TNIK: variants seen among roughly 807,000 people sequenced by gnomAD.
TNIK encodes the protein TRAF2 and NCK interacting kinase, also known as TRAF2 and NCK-interacting protein kinase.
TNIK carries 49 observed loss-of-function variants against 191.3 expected under a neutral mutation model. The ratio of observed to expected loss-of-function variants is 0.26; its 90% confidence interval spans 0.20 to 0.32. The LOEUF (loss-of-function observed/expected upper bound fraction) is 0.32, where lower values mean the gene tolerates loss of function less well. Ranked by LOEUF, TNIK falls within the 10% of genes least tolerant of loss-of-function variation. The pLI is 1.00. For synonymous variants in TNIK, 594 were observed against 600.9 expected, an observed-to-expected ratio of 0.99 and a Z score of 0.17; for missense variants, 1,155 against 1,702.3, an observed-to-expected ratio of 0.68 and a Z score of 5.66.
At chr3:171,447,204 A>C (rs898940364) in intron 1 of TNIK, among the ~76,000 whole-genome samples, 1 of 152,054 alleles carries the variant, frequency 6.6e-6, no homozygotes, top group Non-Finnish European at 1.5e-5. Flanking sequence ...CAAACAAATA[A>C]ATAAATAAAT....
At chr3:171,358,292 T>G (rs1714441866) in intron 2 of TNIK, among the ~76,000 whole-genome samples, 3 of 151,860 alleles carry the variant, frequency 2.0e-5, no homozygotes, top group South Asian at 4.2e-4. Context: ...AGGAAAGAGG[T>G]TTAATTGACT....
intron 2 of TNIK, among the ~76,000 whole-genome samples, chr3:171,238,639 A>C (rs1744593816): frequency 6.6e-6 from 1 of 152,206 alleles, no homozygotes; most frequent in African/African-American, 2.4e-5. Flanking sequence ...TTGGGTCTAA[A>C]ATGTCAATGG....
intron 4 of TNIK, 150 bp from the exon 5 acceptor site, chr3:171,194,785 T>G: frequency 1.6e-6 from 1 of 622,384 alleles, no homozygotes; most frequent in Non-Finnish European, 2.8e-6. Context: ...ACACAAGCTT[T>G]TACCTTCATG....
chr3:171,338,749 T>G (rs768252319), intron 2 of TNIK, among the ~76,000 whole-genome samples: 2 of 151,888 alleles, frequency 1.3e-5, no homozygotes, highest in South Asian at 2.1e-4. Context: ...GGAATTCACT[T>G]GCCTTGGCCT....
rs149126927 is a variant in TNIK, at chr3:171,133,800, G to A, written c.1608+4391C>T. 3.3e-4 allele frequency among the ~76,000 whole-genome samples: 50 copies of A among 152,212 alleles called. No individual in the cohort carries two copies. The East Asian group carries it at 6.2e-3, about 19-fold the overall frequency. ...ACTTAGGTATAGAGCAGAGAAATCCGGATGGAGAAGGAGTTTTTATACACA... is the reference window on the plus strand; with the variant it reads ...ACTTAGGTATAGAGCAGAGAAATCCAGATGGAGAAGGAGTTTTTATACACA... On this transcript the variant is annotated intron_variant, in intron 15 of 32. Transcript: ENST00000436636.
intron 1 of TNIK, among the ~76,000 whole-genome samples, chr3:171,429,135 G>A (rs575750294): frequency 3.3e-5 from 5 of 152,196 alleles, no homozygotes; most frequent in South Asian, 2.1e-4. Flanking sequence ...CCTGCCCTAC[G>A]AAGTTCACCA....
At chr3:171,350,283 G>C (rs919030639) in intron 2 of TNIK, among the ~76,000 whole-genome samples, 5 of 152,188 alleles carry the variant, frequency 3.3e-5, no homozygotes, top group African/African-American at 1.2e-4. Context: ...AACAAAGCTG[G>C]TAGCCAAGAA....
chr3:171,456,344 A>C (rs750586712), intron 1 of TNIK, among the ~76,000 whole-genome samples: 2 of 152,236 alleles, frequency 1.3e-5, no homozygotes, highest in African/African-American at 2.4e-5. Context: ...AGAATGACTC[A>C]AGCCCCAGGT....
intron 1 of TNIK, among the ~76,000 whole-genome samples, chr3:171,379,434 C>A (rs1036676227): frequency 1.3e-5 from 2 of 152,196 alleles, no homozygotes; most frequent in Admixed American, 6.5e-5. Context: ...CCTTTGTCAG[C>A]TGCTGGGATT....
At chr3:171,152,510 C>T (rs1027316883) in intron 12 of TNIK, among the ~76,000 whole-genome samples, 6 of 152,058 alleles carry the variant, frequency 3.9e-5, no homozygotes, top group Non-Finnish European at 2.9e-5. Flanking sequence ...CTGGTTAATC[C>T]TCAGGAAAAC....
chr3:171,082,550 ATAAT>A, intron 26 of TNIK, 156 bp from the exon 27 acceptor site: 8 of 830,452 alleles, frequency 9.6e-6, no homozygotes, highest in Non-Finnish European at 1.3e-5. Flanking sequence ...CTCTGACATA[ATAAT>A]TAAATCATTG....
chr3:171,303,430 A>T (rs970389012), intron 2 of TNIK, among the ~76,000 whole-genome samples: 2 of 152,244 alleles, frequency 1.3e-5, no homozygotes, highest in Non-Finnish European at 1.5e-5. Context: ...CAGGTATCAA[A>T]GTATCTGACA....
intron 16 of TNIK, 145 bp from the exon 17 acceptor site, chr3:171,126,296 T>C: frequency 9.6e-7 from 1 of 1,039,850 alleles, no homozygotes. Context: ...ATATATAGCA[T>C]GTTTTTTAAC....
chr3:171,128,634 T>G (rs932704030), intron 16 of TNIK, 80 bp downstream of exon 16: 16 of 1,469,452 alleles, frequency 1.1e-5, no homozygotes, highest in African/African-American at 2.8e-5. Context: ...TGAATCCATG[T>G]TACAATTCCC....
intron 4 of TNIK, among the ~76,000 whole-genome samples, chr3:171,210,867 A>C (rs1740726583): frequency 6.6e-6 from 1 of 151,942 alleles, no homozygotes; most frequent in Non-Finnish European, 1.5e-5. Context: ...AAAAAAAAAA[A>C]ACAGAGAACT....
rs1278768414 is a variant in TNIK at position 171,062,370 on chromosome 3, T to C, written c.*1511A>G. The C allele has an allele frequency of 1.3e-5, 2 of 152,078 alleles. No homozygotes were observed. The highest frequency in any genetic ancestry group is 1.3e-4 in the Admixed American group (2 of 15,264). 9.4% of individuals were successfully genotyped at this position (152,078 alleles called of 1,614,324 possible). Reference sequence around the variant, plus strand: ...TCTCCTGGAGATAACACTGCTGTGATGAACAGTGAAACAAAAACAAACAAA... The same window carrying C: ...TCTCCTGGAGATAACACTGCTGTGACGAACAGTGAAACAAAAACAAACAAA... On this transcript the variant is annotated 3_prime_UTR_variant, in exon 33 of 33. Transcript: ENST00000436636.
intron 7 of TNIK, among the ~76,000 whole-genome samples, chr3:171,184,721 G>T (rs1049873400): frequency 1.3e-5 from 2 of 152,184 alleles, no homozygotes; most frequent in Admixed American, 6.5e-5. Context: ...CCACTAGTTA[G>T]GTTGCTCACT....
intron 3 of TNIK, among the ~76,000 whole-genome samples, chr3:171,227,138 G>T (rs1743065158): frequency 6.6e-6 from 1 of 152,132 alleles, no homozygotes; most frequent in Admixed American, 6.6e-5. Context: ...GATGTCCAGT[G>T]AATCCTTTCG....
chr3:171,122,238 C>A (rs1028949801), intron 18 of TNIK, among the ~76,000 whole-genome samples: 5 of 152,128 alleles, frequency 3.3e-5, no homozygotes, highest in Non-Finnish European at 7.3e-5. Flanking sequence ...TCTAAGCAAC[C>A]GATCCAATGA....
Sources: allele counts gnomAD v4.1 joint callset (sites outside exome capture counted in the v4.1 genomes callset), GRCh38; gene constraint gnomAD v4.1.1; transcripts MANE v1.5; gene names NCBI Gene and HGNC (gene_info 2026-07-23, HGNC 2026-07-21).